The following RABGAP1 variants were observed in gnomAD, a reference collection of about 807,000 sequenced individuals.
RABGAP1 encodes the protein rab GTPase-activating protein 1.
A neutral mutation model predicts 137.6 loss-of-function variants in RABGAP1; 23 were observed. That is an observed-to-expected ratio of 0.17 (90% CI 0.12 to 0.24). The LOEUF is 0.24. Ranked by LOEUF, RABGAP1 falls within the 10% of genes least tolerant of loss-of-function variation. RABGAP1 has a pLI of 1.00. For synonymous variants in RABGAP1, 451 were observed against 450.7 expected (o/e 1.00, Z -0.01); for missense variants, 906 against 1,275.8 (o/e 0.71, Z 4.42).
chr9:123,000,810 T>A (rs1837286404), intron 10 of RABGAP1, among the ~76,000 whole-genome samples: 1 of 151,218 alleles, frequency 6.6e-6, no homozygotes, highest in Admixed American at 6.6e-5. Context: ...CCAGCACACC[T>A]GGCCTAGCAG....
chr9:123,002,931 C>A (rs534568435), intron 10 of RABGAP1, among the ~76,000 whole-genome samples: 1 of 151,996 alleles, frequency 6.6e-6, no homozygotes, highest in Admixed American at 6.6e-5. Context: ...TGTGGAAGCT[C>A]GGGGGAGAGC....
chr9:123,030,867 G>T (rs1330569926), intron 13 of RABGAP1, among the ~76,000 whole-genome samples: 1 of 151,660 alleles, frequency 6.6e-6, no homozygotes, highest in East Asian at 1.9e-4. Context: ...TTAATAAATT[G>T]TGTCTTTTGA....
intron 21 of RABGAP1, among the ~76,000 whole-genome samples, chr9:123,093,362 C>T (rs541325818): frequency 6.6e-6 from 1 of 152,182 alleles, no homozygotes; most frequent in African/African-American, 2.4e-5. Context: ...CTAGACCTGA[C>T]ACTGGTGTTA....
At chr9:122,996,306 A>G in intron 7 of RABGAP1, 155 bp downstream of exon 7, 1 of 1,318,320 alleles carries the variant, frequency 7.6e-7, no homozygotes, top group Non-Finnish European at 1.0e-6. Flanking sequence ...ATTACTTTGA[A>G]ATAGCTACTA....
chr9:123,046,735 A>G (rs1341456912), intron 13 of RABGAP1, among the ~76,000 whole-genome samples: 1 of 152,222 alleles, frequency 6.6e-6, no homozygotes, highest in Admixed American at 6.5e-5. Flanking sequence ...TTGAGATATA[A>G]GGGAGAATAA....
chr9:122,980,252 A>G (rs575366741), intron 2 of RABGAP1, among the ~76,000 whole-genome samples: 1 of 152,328 alleles, frequency 6.6e-6, no homozygotes, highest in South Asian at 2.1e-4. Context: ...CTATACCATT[A>G]AGGACCCAAT....
upstream of RABGAP1, chr9:122,939,608 A>G (rs1416096579): frequency 6.6e-6 from 1 of 152,238 alleles, no homozygotes; most frequent in African/African-American, 2.4e-5. Flanking sequence ...TAAGATTTAC[A>G]TAAATATTTG....
Position 122,984,619 on chromosome 9 carries a change from T to A in RABGAP1, c.285T>A (p.Pro95=), listed in dbSNP as rs1255710354. Residue 95 remains proline (P), a synonymous_variant, in exon 3 of 26, where the codon CCT becomes CCA. Transcript: ENST00000373647. ...AACTGGATGGTGAAGGAGATGGGCC[T>A]CTTTCTAATCAGCTCTCCGCTTCAT... is the stretch of plus-strand genomic sequence containing the variant. ...RSQLDGEGDG[P]LSNQLSASST... is the part of the protein sequence containing the mutation. 6.2e-7 allele frequency: 1 copy of A among 1,614,208 alleles called. No homozygotes were observed. Among genetic ancestry groups the A allele is most frequent in the South Asian group, 1.1e-5 (1 of 91,084 alleles).
chr9:122,969,436 G>T (rs543572625), intron 2 of RABGAP1, among the ~76,000 whole-genome samples: 2 of 152,272 alleles, frequency 1.3e-5, no homozygotes, highest in East Asian at 3.9e-4. Flanking sequence ...TATTTCCTCT[G>T]TGTGTTTTAA....
chr9:122,988,409 C>T (rs1241494075), intron 4 of RABGAP1, among the ~76,000 whole-genome samples: 2 of 151,996 alleles, frequency 1.3e-5, no homozygotes, highest in East Asian at 1.9e-4. Flanking sequence ...TTGTAGGTAT[C>T]ACATAAATAT....
At chr9:123,088,052 T>G (rs924045808) in intron 19 of RABGAP1, among the ~76,000 whole-genome samples, 2 of 151,856 alleles carry the variant, frequency 1.3e-5, no homozygotes, top group Non-Finnish European at 2.9e-5. Flanking sequence ...CTTTTTTTTT[T>G]TTTAATTATT....
intron 13 of RABGAP1, among the ~76,000 whole-genome samples, chr9:123,037,673 T>C (rs2032733163): frequency 6.6e-6 from 1 of 152,218 alleles, no homozygotes; most frequent in African/African-American, 2.4e-5. Context: ...TTTTAAACAC[T>C]TAATTTTTGT....
intron 24 of RABGAP1, among the ~76,000 whole-genome samples, chr9:123,100,002 T>C (rs1338316413): frequency 6.6e-6 from 1 of 152,152 alleles, no homozygotes; most frequent in African/African-American, 2.4e-5. Flanking sequence ...TTTTTTTTTA[T>C]TTTTAGAGAC....
At chr9:122,965,741 A>G (rs1835110574) in intron 2 of RABGAP1, among the ~76,000 whole-genome samples, 1 of 152,214 alleles carries the variant, frequency 6.6e-6, no homozygotes, top group Admixed American at 6.5e-5. Flanking sequence ...AGTTGCATGT[A>G]TCTGTGAATA....
intron 11 of RABGAP1, among the ~76,000 whole-genome samples, chr9:123,012,702 T>C (rs777994270): frequency 6.6e-5 from 10 of 152,156 alleles, no homozygotes; most frequent in Non-Finnish European, 1.2e-4. Context: ...TTTTGCCTCA[T>C]GTTGTTCCCT....
chr9:123,054,251 C>T (rs1236043271), intron 13 of RABGAP1, among the ~76,000 whole-genome samples: 1 of 152,188 alleles, frequency 6.6e-6, no homozygotes, highest in Non-Finnish European at 1.5e-5. Flanking sequence ...ACAGAGCCTA[C>T]CTGTGATTAC....
intron 19 of RABGAP1, among the ~76,000 whole-genome samples, chr9:123,088,826 A>C (rs1249052770): frequency 6.6e-6 from 1 of 152,224 alleles, no homozygotes; most frequent in Admixed American, 6.5e-5. Flanking sequence ...AAGGGAGAAA[A>C]GATTTTCTAG....
At chr9:122,968,220 CTTT>C (rs1008036959) in intron 2 of RABGAP1, among the ~76,000 whole-genome samples, 4 of 122,890 alleles carry the variant, frequency 3.3e-5, no homozygotes, top group Admixed American at 8.8e-5. Flanking sequence ...TCAATTCTAC[CTTT>C]TTTTTTTTTT....
intron 17 of RABGAP1, 74 bp from the exon 18 acceptor site, chr9:123,076,171 G>A: frequency 7.1e-7 from 1 of 1,407,878 alleles, no homozygotes; most frequent in Non-Finnish European, 9.8e-7. Flanking sequence ...TTAAAAATGT[G>A]GGGTATAAGG....
Sources: allele counts gnomAD v4.1 joint callset (sites outside exome capture counted in the v4.1 genomes callset), GRCh38; gene constraint gnomAD v4.1.1; transcripts MANE v1.5; gene names NCBI Gene and HGNC (gene_info 2026-07-23, HGNC 2026-07-21).